TEX29: variants seen among roughly 807,000 people sequenced by gnomAD.
TEX29 encodes testis expressed 29, also known as testis-expressed protein 29.
Under a neutral mutation model 18.2 loss-of-function variants are expected in TEX29, and 26 were observed. That is an observed-to-expected ratio of 1.43 (90% CI 1.04 to 1.98). The LOEUF is 1.98. Ranked by LOEUF, TEX29 falls within the 30% of genes most tolerant of loss-of-function variation. The pLI, the probability that TEX29 is intolerant of heterozygous loss-of-function variation, is 0.00. For synonymous variants in TEX29, 83 were observed against 78.5 expected (o/e 1.06, Z -0.31); for missense variants, 177 against 194.2 (o/e 0.91, Z 0.53).
intron 3 of TEX29, among the ~76,000 whole-genome samples, chr13:111,333,525 T>C (rs923651198): frequency 2.0e-5 from 3 of 152,256 alleles, no homozygotes; most frequent in Admixed American, 6.5e-5. Context: ...TTCATTTCTG[T>C]TATTGTACTC....
At chr13:111,319,872 T>C (rs962125286), upstream of TEX29, among the ~76,000 whole-genome samples, 2 of 152,220 alleles carry the variant, frequency 1.3e-5, no homozygotes, top group Admixed American at 6.5e-5. Flanking sequence ...TATCCCGTCC[T>C]TCCTGCTCAC....
intron 3 of TEX29, among the ~76,000 whole-genome samples, chr13:111,335,964 C>T (rs981399699): frequency 1.3e-5 from 2 of 152,162 alleles, no homozygotes; most frequent in African/African-American, 2.4e-5. Flanking sequence ...GCATGTATGT[C>T]GAACATGGCT....
chr13:111,339,394 A>G (rs2153642056), intron 3 of TEX29: 2 of 453,634 alleles, frequency 4.4e-6, no homozygotes, highest in Non-Finnish European at 4.4e-6. Context: ...ACGCACCCCC[A>G]GGGGTCAGGA....
intron 2 of TEX29, among the ~76,000 whole-genome samples, chr13:111,325,070 G>A (rs754498265): frequency 2.0e-5 from 3 of 152,148 alleles, no homozygotes; most frequent in South Asian, 2.1e-4. Context: ...CTCACTCCAC[G>A]GGCCCCCATC....
At chr13:111,321,780 G>A (rs955131703) in intron 2 of TEX29, among the ~76,000 whole-genome samples, 1 of 151,996 alleles carries the variant, frequency 6.6e-6, no homozygotes, top group Admixed American at 6.6e-5. Flanking sequence ...AAAATTAGCC[G>A]AGCGTGGTGG....
chr13:111,327,606 T>A (rs2093676173), intron 2 of TEX29, among the ~76,000 whole-genome samples: 1 of 152,178 alleles, frequency 6.6e-6, no homozygotes, highest in African/African-American at 2.4e-5. Context: ...GCTGAACATG[T>A]GTGAGGCTGC....
At chr13:111,336,057 T>C (rs545010882) in intron 3 of TEX29, among the ~76,000 whole-genome samples, 30 of 152,354 alleles carry the variant, frequency 2.0e-4, no homozygotes, top group African/African-American at 7.0e-4. Flanking sequence ...ACTGGTGTTA[T>C]AAGGAACCCA....
At position 111,322,084 on chromosome 13, in the gene TEX29, T is replaced by A. The variant is rs144426252; in HGVS notation, c.58+1136T>A. 4.9e-3 allele frequency among the ~76,000 whole-genome samples: 743 copies of A among 152,326 alleles called. 5 individuals carry two copies. Among genetic ancestry groups the A allele is most frequent in the African/African-American group, 0.016 (684 of 41,574 alleles). On this transcript the variant is annotated intron_variant, in intron 2 of 5. Coordinates refer to ENST00000283547, the MANE Select transcript of TEX29 (RefSeq NM_152324.3). ...CCACAGCAGCACCTGGCCCTGCAGC[T>A]CTCGCAGCGGGACAGGGCGGCCCAG... is the stretch of plus-strand genomic sequence containing the variant.
intron 2 of TEX29, among the ~76,000 whole-genome samples, chr13:111,324,126 G>A (rs1050211690): frequency 2.0e-5 from 3 of 152,174 alleles, no homozygotes; most frequent in Admixed American, 1.3e-4. Context: ...GGTGGCAATC[G>A]TGACCGCAGG....
Position 111,342,629 on chromosome 13 carries a change from T to TA in TEX29, c.240-121dup, listed in dbSNP as rs1188301617. 3.7e-6 allele frequency: 3 copies of TA among 803,920 alleles called. No individual in the cohort carries two copies. The African/African-American group carries it at 5.3e-5, about 14-fold the overall frequency. The allele number at this position is 803,920 out of a possible 1,614,324, so 49.8% of individuals were successfully genotyped here. A position where few individuals can be genotyped will look rare whatever the true frequency, so the allele number is the denominator to read the frequency against. ...AACTATTACATCAAAGCATTTACCT[T>TA]AAAAAATAAGTATGCATGATCAGGA... On this transcript the variant is annotated intron_variant, in intron 4 of 5. Transcript: ENST00000283547.
Position 111,328,182 on chromosome 13 carries a change from G to A in TEX29, c.59-1G>A. ...ACTTGTGTATGTCTGTGCTTTTGCA[G>A]TGTGTGACGTTCCTCTGTATGACAT... is the stretch of plus-strand genomic sequence containing the variant. On this transcript the variant is annotated splice_acceptor_variant, in intron 2 of 5. Coordinates refer to ENST00000283547, the MANE Select transcript of TEX29 (RefSeq NM_152324.3). LOFTEE classifies it high-confidence loss of function. The A allele has an allele frequency of 6.2e-7, 1 of 1,603,646 alleles. No homozygotes were observed. The highest frequency in any genetic ancestry group is 8.5e-7 in the Non-Finnish European group (1 of 1,170,552).
At position 111,342,808 on chromosome 13, in the gene TEX29, C is replaced by G; in HGVS notation, c.292C>G (p.Pro98Ala). 6.2e-7 allele frequency: 1 copy of G among 1,614,112 alleles called. No individual in the cohort carries two copies. Among genetic ancestry groups the G allele is most frequent in the Middle Eastern group, 1.6e-4 (1 of 6,062 alleles). Reference sequence around the variant, plus strand: ...GGCCATCCCTGTGGATGTCGCGCTGCCACAGAAGTCCAGCGAAAAGGCGGA... The same window carrying G: ...GGCCATCCCTGTGGATGTCGCGCTGGCACAGAAGTCCAGCGAAAAGGCGGA... ...EKAIPVDVAL[P>A]QKSSEKAELA... Residue 98 changes from proline to alanine, a missense_variant, in exon 5 of 6, where the codon CCA (proline) becomes GCA (alanine). Coordinates refer to ENST00000283547, the MANE Select transcript of TEX29 (RefSeq NM_152324.3).
Position 111,332,013 on chromosome 13 carries a change from A to T in TEX29, c.169+3720A>T, listed in dbSNP as rs190731755. On this transcript the variant is annotated intron_variant, in intron 3 of 5. Coordinates refer to ENST00000283547, the MANE Select transcript of TEX29 (RefSeq NM_152324.3). ...GCTTCAACTTTGTTCTTCTTTTTCA[A>T]GATTATTTTGGCTGTTATGGGTCCC... 3.9e-5 allele frequency among the ~76,000 whole-genome samples: 6 copies of T among 152,196 alleles called. No individual in the cohort carries two copies. The East Asian group carries it at 1.2e-3, about 29-fold the overall frequency.
chr13:111,339,568 C>T (rs978214814), intron 3 of TEX29: 22 of 518,342 alleles, frequency 4.2e-5, no homozygotes, highest in Admixed American at 6.4e-5. Flanking sequence ...GACCCAGTGC[C>T]GTCTCTCCAT....
At chr13:111,323,937 A>G (rs1314732865) in intron 2 of TEX29, among the ~76,000 whole-genome samples, 1 of 152,248 alleles carries the variant, frequency 6.6e-6, no homozygotes, top group Non-Finnish European at 1.5e-5. Flanking sequence ...CTGTCCAAAG[A>G]TAACTTGACA....
rs1360564347 is a variant in TEX29, at chr13:111,328,213, A to G, written c.89A>G (p.Asp30Gly). Reference sequence around the variant, plus strand: ...GACGTTCCTCTGTATGACATTTGTGACTACAACGTCTCCAGGGACCGATGC... The same window carrying G: ...GACGTTCCTCTGTATGACATTTGTGGCTACAACGTCTCCAGGGACCGATGC... ...VCDVPLYDIC[D>G]YNVSRDRCQE... Residue 30 changes from aspartate to glycine, a missense_variant, in exon 3 of 6, where the codon GAC becomes GGC. Physicochemically the swap from Asp to Gly is moderately conservative, Grantham distance 94. Coordinates refer to ENST00000283547, the MANE Select transcript of TEX29 (RefSeq NM_152324.3). 6.2e-7 allele frequency: 1 copy of G among 1,613,188 alleles called. No individual in the cohort carries two copies. The highest frequency in any genetic ancestry group is 1.7e-5 in the Admixed American group (1 of 60,016).
chr13:111,338,664 A>C (rs572617212), intron 3 of TEX29, among the ~76,000 whole-genome samples: 53 of 152,340 alleles, frequency 3.5e-4, no homozygotes, highest in African/African-American at 1.2e-3. Context: ...TTTGCAAGTC[A>C]GCCAGTTTCT....
chr13:111,330,306 G>T (rs1040499717), intron 3 of TEX29, among the ~76,000 whole-genome samples: 2 of 152,176 alleles, frequency 1.3e-5, no homozygotes, highest in Non-Finnish European at 1.5e-5. Context: ...CAGAGAGGGT[G>T]TCTGTCCTGC....
At chr13:111,329,997 G>A (rs754807109) in intron 3 of TEX29, among the ~76,000 whole-genome samples, 2 of 152,168 alleles carry the variant, frequency 1.3e-5, no homozygotes, top group Non-Finnish European at 2.9e-5. Flanking sequence ...GCTAGGGGGC[G>A]CGTGGTGAGA....
Sources: allele counts gnomAD v4.1 joint callset (sites outside exome capture counted in the v4.1 genomes callset), GRCh38; gene constraint gnomAD v4.1.1; transcripts MANE v1.5; gene names NCBI Gene and HGNC (gene_info 2026-07-23, HGNC 2026-07-21).